The following RMND1 variants were observed in gnomAD, a reference collection of about 807,000 sequenced individuals.
The protein encoded by RMND1 is required for meiotic nuclear division 1 homolog.
RMND1 carries 41 observed loss-of-function variants against 54.0 expected under a neutral mutation model. The observed-to-expected ratio is 0.76, with a 90% CI of 0.59 to 0.98. RMND1 has a LOEUF of 0.98. Among genes scored for constraint, RMND1 ranks in the 50% least tolerant of loss-of-function variants. The pLI, the probability that RMND1 is intolerant of heterozygous loss-of-function variation, is 0.00. For synonymous variants in RMND1, 183 were observed against 181.7 expected (o/e 1.01, Z -0.06); for missense variants, 457 against 532.0 (o/e 0.86, Z 1.39).
chr6:151,421,166 C>G, intron 9 of RMND1, 79 bp downstream of exon 9: 1 of 1,041,586 alleles, frequency 9.6e-7, no homozygotes, highest in East Asian at 2.4e-5. Flanking sequence ...AATGTTTGCT[C>G]TTCACCACAG....
At chr6:151,424,638 C>T (rs1049734467) in intron 6 of RMND1, among the ~76,000 whole-genome samples, 1 of 152,032 alleles carries the variant, frequency 6.6e-6, no homozygotes, top group African/African-American at 2.4e-5. Context: ...TGAAAAAATG[C>T]TGCATATAAA....
At chr6:151,445,265 C>T (rs1174641220) in intron 2 of RMND1, 43 bp downstream of exon 2, 1 of 1,560,906 alleles carries the variant, frequency 6.4e-7, no homozygotes, top group African/African-American at 1.4e-5. Flanking sequence ...TTAGCATGAG[C>T]AATGATCACT....
chr6:151,429,349 G>T (rs1326618914), intron 5 of RMND1, among the ~76,000 whole-genome samples: 1 of 152,056 alleles, frequency 6.6e-6, no homozygotes. Context: ...TCGAACTCCT[G>T]GCCTCAAGAT....
intron 2 of RMND1, among the ~76,000 whole-genome samples, chr6:151,443,352 C>G (rs1183586226): frequency 6.6e-6 from 1 of 152,132 alleles, no homozygotes; most frequent in Non-Finnish European, 1.5e-5. Context: ...CACTCTGTCA[C>G]CCAGGCTGGA....
Position 151,423,553 on chromosome 6 carries a change from A to G in RMND1, c.909T>C (p.Phe303=). ...LDLDDAILEK[F]AFSNALCLSV... ...AAAGGCATAGAGCATTGGAGAAAGC[A>G]AACTTCTCTAGAATGGCATCATCTA... is the stretch of plus-strand genomic sequence containing the variant. The change falls in exon 7 of 12, where the codon TTT becomes TTC. Residue 303 remains phenylalanine, a synonymous_variant. Coordinates refer to ENST00000444024, the MANE Select transcript of RMND1 (RefSeq NM_017909.4). 6.2e-7 allele frequency: 1 copy of G among 1,613,800 alleles called. No individual in the cohort carries two copies. The highest frequency in any genetic ancestry group is 8.5e-7 in the Non-Finnish European group (1 of 1,179,704).
At chr6:151,440,931 T>C (rs1276095300) in intron 2 of RMND1, among the ~76,000 whole-genome samples, 2 of 152,180 alleles carry the variant, frequency 1.3e-5, no homozygotes, top group East Asian at 3.8e-4. Flanking sequence ...TAGCTACATA[T>C]ATATGTAAAG....
chr6:151,419,924 A>G (rs1448120810), intron 9 of RMND1, among the ~76,000 whole-genome samples: 3 of 152,068 alleles, frequency 2.0e-5, no homozygotes, highest in African/African-American at 4.8e-5. Context: ...ATAAACATGA[A>G]TATTTTTATT....
At chr6:151,409,947 C>T (rs184454808) in intron 10 of RMND1, among the ~76,000 whole-genome samples, 1 of 152,260 alleles carries the variant, frequency 6.6e-6, no homozygotes, top group East Asian at 1.9e-4. Context: ...TGCATCTGGA[C>T]CTCTGTACTC....
rs1165766381 is a variant in RMND1, at chr6:151,405,121, T to TGGCCTCC, written c.*107_*113dup. 1 of 854,510 alleles carries TGGCCTCC rather than the reference T, an allele frequency of 1.2e-6. No homozygotes were observed. The highest frequency in any genetic ancestry group is 1.7e-5 in the African/African-American group (1 of 58,814). 52.9% of individuals were successfully genotyped at this position (854,510 alleles called of 1,614,324 possible). A position where few individuals can be genotyped will look rare whatever the true frequency, so the allele number is the denominator to read the frequency against. On this transcript the variant is annotated 3_prime_UTR_variant, in exon 12 of 12. Transcript: ENST00000444024. ...TGATCTCATCTCAAGCCACCCTTCT[T>TGGCCTCC]GGCCTCCGAAAGTGCTGGGATTACA... is the stretch of plus-strand genomic sequence containing the variant.
At position 151,450,658 on chromosome 6, in the gene RMND1, G is replaced by T. The variant is rs536849728; in HGVS notation, c.-15+1358C>A. ...TCTGCCCGGCCGCCCCTACTGGGAT[G>T]TGAGGAGCCCCTCTGCCCGGCCACC... On this transcript the variant is annotated intron_variant, in intron 1 of 11. Coordinates refer to ENST00000444024, the MANE Select transcript of RMND1 (RefSeq NM_017909.4). Among the ~76,000 whole-genome samples the T allele has an allele frequency of 9.3e-3, 1,412 of 151,756 alleles. 21 individuals carry two copies. Among genetic ancestry groups the T allele is most frequent in the African/African-American group, 0.033 (1,352 of 41,384 alleles).
At chr6:151,412,875 C>A (rs143749557) in intron 10 of RMND1, among the ~76,000 whole-genome samples, 20 of 152,162 alleles carry the variant, frequency 1.3e-4, no homozygotes, top group Non-Finnish European at 1.2e-4. Context: ...TGGTGCCAAA[C>A]CACTCATGAG....
chr6:151,428,520 T>C (rs948287604), intron 5 of RMND1, among the ~76,000 whole-genome samples: 2 of 152,218 alleles, frequency 1.3e-5, no homozygotes, highest in African/African-American at 4.8e-5. Context: ...TCAAAAGATA[T>C]GTGGACTTAC....
intron 4 of RMND1, among the ~76,000 whole-genome samples, chr6:151,432,516 T>C (rs988491864): frequency 2.2e-5 from 3 of 139,428 alleles, no homozygotes; most frequent in Admixed American, 1.4e-4. Context: ...ATTAGTCTCA[T>C]GACTATGGGT....
Position 151,436,118 on chromosome 6 carries a change from A to AC in RMND1, c.613+327_613+328insG, listed in dbSNP as rs931179250. 1.2e-4 allele frequency: 23 copies of AC among 198,656 alleles called. 1 individual carries two copies. The highest frequency in any genetic ancestry group is 3.6e-4 in the African/African-American group (15 of 42,200). 12.3% of individuals were successfully genotyped at this position (198,656 alleles called of 1,614,324 possible). On this transcript the variant is annotated intron_variant, in intron 3 of 11. Transcript: ENST00000444024. ...GAAACTCCATCCCAAAAAACAAAAAAAAAAAAAACACAAAACACACACAGA... is the reference window on the plus strand; with the variant it reads ...GAAACTCCATCCCAAAAAACAAAAAACAAAAAAAACACAAAACACACACAGA...
intron 5 of RMND1, among the ~76,000 whole-genome samples, chr6:151,429,032 CTGTG>C (rs751941419): frequency 6.6e-6 from 1 of 151,720 alleles, no homozygotes; most frequent in Non-Finnish European, 1.5e-5. Context: ...CGACCACCTA[CTGTG>C]TGTGTTTCCT....
intron 9 of RMND1, among the ~76,000 whole-genome samples, 158 bp from the exon 10 acceptor site, chr6:151,417,557 T>A (rs1192417229): frequency 1.3e-5 from 2 of 151,956 alleles, no homozygotes; most frequent in African/African-American, 4.8e-5. Context: ...AGTGGTGTGA[T>A]CACAACTCAC....
Position 151,436,435 on chromosome 6 carries a change from A to G in RMND1, c.613+11T>C, listed in dbSNP as rs1554345871. On this transcript the variant is annotated intron_variant, in intron 3 of 11. Coordinates refer to ENST00000444024, the MANE Select transcript of RMND1 (RefSeq NM_017909.4). Reference sequence around the variant, plus strand: ...TTTAACATACTTGGCCCCAGGTTCAAGAAGAAGTACCTCTAGGCAAGCTTG... The same window carrying G: ...TTTAACATACTTGGCCCCAGGTTCAGGAAGAAGTACCTCTAGGCAAGCTTG... 1 of 1,613,516 alleles carries G rather than the reference A, an allele frequency of 6.2e-7. No homozygotes were observed. The highest frequency in any genetic ancestry group is 1.1e-5 in the South Asian group (1 of 91,000).
chr6:151,433,118 C>A (rs766080867), intron 4 of RMND1, 37 bp downstream of exon 4: 1 of 1,370,236 alleles, frequency 7.3e-7, no homozygotes, highest in Non-Finnish European at 1.0e-6. Context: ...TTGACCCAAA[C>A]CCATCATCAC....
At chr6:151,420,983 C>T (rs1780134518) in intron 9 of RMND1, 1 of 267,268 alleles carries the variant, frequency 3.7e-6, no homozygotes, top group Non-Finnish European at 7.1e-6. Flanking sequence ...CTTCAAAGAA[C>T]ACCTACTGTG....
Sources: gnomAD v4.1 joint callset for allele counts (sites outside exome capture counted in the v4.1 genomes callset) on GRCh38, gnomAD v4.1.1 for gene constraint, MANE v1.5 for transcripts, NCBI Gene and HGNC (gene_info 2026-07-23, HGNC 2026-07-21) for gene names.